PXDN: variants seen among roughly 807,000 people sequenced by gnomAD.
PXDN encodes peroxidasin.
A neutral mutation model predicts 140.3 loss-of-function variants in PXDN; 77 were observed. That is an observed-to-expected ratio of 0.55 (90% CI 0.46 to 0.66). The LOEUF is 0.66. PXDN is among the 30% of genes least tolerant of loss of function. The probability of loss-of-function intolerance (pLI) is 0.00; values close to 1 mark genes in which losing one functional copy is unlikely to be tolerated. For synonymous variants in PXDN, 911 were observed against 857.4 expected, an observed-to-expected ratio of 1.06 and a Z score of -1.09; for missense variants, 1,838 against 2,039.5, an observed-to-expected ratio of 0.90 and a Z score of 1.90.
At chr2:1,665,310 C>T (rs1683409623) in intron 10 of PXDN, among the ~76,000 whole-genome samples, 1 of 152,194 alleles carries the variant, frequency 6.6e-6, no homozygotes, top group Non-Finnish European at 1.5e-5. Flanking sequence ...CGTTCAACCA[C>T]ACCGCCAGCT....
At position 1,693,150 on chromosome 2, in the gene PXDN, A is replaced by G. The variant is rs765836045; in HGVS notation, c.201-16T>C. The G allele has an allele frequency of 2.0e-6, 3 of 1,535,698 alleles. 1 individual carries two copies. The South Asian group carries it at 3.7e-5, about 19-fold the overall frequency. ...GCGAAGATCTCTGTGAAGAAACAAG[A>G]AAGGTATTATTACGTGAAAAAAAAT... On this transcript the variant is annotated splice_polypyrimidine_tract_variant and intron_variant, in intron 1 of 22. Coordinates refer to ENST00000252804, the MANE Select transcript of PXDN (RefSeq NM_012293.3).
intron 1 of PXDN, among the ~76,000 whole-genome samples, chr2:1,712,290 T>G (rs10184108): frequency 0.15 from 22,344 of 152,280 alleles, 4,066 homozygotes; most frequent in African/African-American, 0.43. Flanking sequence ...GCAGTCATAA[T>G]ATTTAAATAT....
At chr2:1,700,961 T>G (rs893566951) in intron 1 of PXDN, among the ~76,000 whole-genome samples, 1 of 152,172 alleles carries the variant, frequency 6.6e-6, no homozygotes, top group Non-Finnish European at 1.5e-5. Flanking sequence ...TTACTGATTT[T>G]AAAGGTTGGA....
At chr2:1,670,157 A>C (rs1683540436) in intron 9 of PXDN, among the ~76,000 whole-genome samples, 1 of 152,220 alleles carries the variant, frequency 6.6e-6, no homozygotes, top group South Asian at 2.1e-4. Flanking sequence ...GGATATCAAA[A>C]GACATCTGGC....
At chr2:1,718,727 G>A (rs896521048) in intron 1 of PXDN, among the ~76,000 whole-genome samples, 4 of 152,234 alleles carry the variant, frequency 2.6e-5, no homozygotes, top group Non-Finnish European at 5.9e-5. Context: ...GTCCCTTTAC[G>A]GCTGCTGGAT....
chr2:1,665,125 T>C (rs1450354696), intron 10 of PXDN, 51 bp from the exon 11 acceptor site: 3 of 1,360,770 alleles, frequency 2.2e-6, no homozygotes, highest in African/African-American at 2.9e-5. Flanking sequence ...CAGCCTGGGG[T>C]AAAAACGCGA....
chr2:1,653,720 T>C lies in PXDN; in HGVS notation c.2012A>G (p.Glu671Gly). 6.2e-7 allele frequency: 1 copy of C among 1,603,516 alleles called. No individual in the cohort carries two copies. The highest frequency in any genetic ancestry group is 8.5e-7 in the Non-Finnish European group (1 of 1,175,082). The change falls in exon 16 of 23, where the codon GAA becomes GGA. Residue 671 changes from glutamate (E) to glycine (G), a missense_variant. Physicochemically the swap from Glu to Gly is moderately conservative, Grantham distance 98. Transcript: ENST00000252804. ...AAAGATTTCTCCCGCCCGTGCCTGT[T>C]CAACTGTGTAAGGATCCCTCGGATA... ...FRYPRDPYTVEQARAGEIFER... is the reference protein window; with the variant it reads ...FRYPRDPYTVGQARAGEIFER...
chr2:1,652,191 A>G (rs1683029896), intron 16 of PXDN, among the ~76,000 whole-genome samples: 1 of 152,188 alleles, frequency 6.6e-6, no homozygotes, highest in African/African-American at 2.4e-5. Context: ...ACATTTCCAG[A>G]TGGCTTTATT....
At chr2:1,709,889 G>T (rs559962904) in intron 1 of PXDN, among the ~76,000 whole-genome samples, 2 of 152,166 alleles carry the variant, frequency 1.3e-5, no homozygotes, top group South Asian at 4.1e-4. Context: ...AACTCTGCTG[G>T]CATCTTTGAT....
chr2:1,652,292 G>C (rs918546316), intron 16 of PXDN, among the ~76,000 whole-genome samples: 1 of 152,130 alleles, frequency 6.6e-6, no homozygotes, highest in African/African-American at 2.4e-5. Flanking sequence ...GTAGGGAGTA[G>C]CAAGAAATTA....
intron 1 of PXDN, among the ~76,000 whole-genome samples, chr2:1,697,857 C>A (rs753301381): frequency 6.6e-6 from 1 of 152,222 alleles, no homozygotes; most frequent in African/African-American, 2.4e-5. Flanking sequence ...CTTCTCCCAA[C>A]AAGCAAGGGG....
At position 1,662,317 on chromosome 2, in the gene PXDN, C is replaced by T. The variant is rs919000156; in HGVS notation, c.1568-133G>A. Reference sequence around the variant, plus strand: ...GCTCACAGTCAGTTTCAGAATGGGCCCTTTCTCTGCCTCCCAGCAGCCTCT... The same window carrying T: ...GCTCACAGTCAGTTTCAGAATGGGCTCTTTCTCTGCCTCCCAGCAGCCTCT... On this transcript the variant is annotated intron_variant, in intron 12 of 22. Transcript: ENST00000252804. 8 of 759,426 alleles carry T rather than the reference C, an allele frequency of 1.1e-5. No individual in the cohort carries two copies. The South Asian group carries it at 1.3e-4, about 12-fold the overall frequency. The allele number at this position is 759,426 out of a possible 1,614,324, so 47.0% of individuals were successfully genotyped here.
Position 1,651,845 on chromosome 2 carries a change from G to C in PXDN, c.2104+1783C>G, listed in dbSNP as rs1683021282. On this transcript the variant is annotated intron_variant, in intron 16 of 22. Transcript: ENST00000252804. This position sits in a 1 kb window ranked among gnomAD's most constrained non-coding sequence, Gnocchi z 4.4. ...GGGGCCTCTCTCTGGTTTTCCATCT[G>C]CATTTCTCTGGAAGGTCTGATCTTT... Among the ~76,000 whole-genome samples the C allele has an allele frequency of 6.6e-6, 1 of 152,210 alleles. No homozygotes were observed. The highest frequency in any genetic ancestry group is 2.4e-5 in the African/African-American group (1 of 41,456).
rs1326126678 is a variant in PXDN, at chr2:1,666,443, C to T, written c.1062G>A (p.Leu354=). Residue 354 remains leucine (L), a synonymous_variant, in exon 10 of 23, where the codon CTG becomes CTA. Coordinates refer to ENST00000252804, the MANE Select transcript of PXDN (RefSeq NM_012293.3). ...ACTCCAGCGTGACGCTCTCCCCAACCAGCACCTCTGTATTCTGTGGCTGGA... is the reference window on the plus strand; with the variant it reads ...ACTCCAGCGTGACGCTCTCCCCAACTAGCACCTCTGTATTCTGTGGCTGGA... The part of the protein sequence containing the change: ...FVIQPQNTEV[L]VGESVTLECS... The T allele has an allele frequency of 3.7e-6, 6 of 1,612,680 alleles. No individual in the cohort carries two copies. In the Admixed American group the frequency reaches 1.0e-4, roughly 27 times the overall value.
At chr2:1,684,933 C>T (rs963614381) in intron 4 of PXDN, among the ~76,000 whole-genome samples, 2 of 152,214 alleles carry the variant, frequency 1.3e-5, no homozygotes, top group Non-Finnish European at 2.9e-5. Flanking sequence ...ACTCAGGTGT[C>T]CCCTGCAACC....
intron 1 of PXDN, among the ~76,000 whole-genome samples, chr2:1,713,538 GC>G: frequency 1.3e-5 from 2 of 152,320 alleles, no homozygotes; most frequent in Middle Eastern, 3.4e-3. Flanking sequence ...TGACAGGAGA[GC>G]CCTGGGGGCC....
At chr2:1,742,035 G>A (rs1685555599) in intron 1 of PXDN, among the ~76,000 whole-genome samples, 1 of 152,078 alleles carries the variant, frequency 6.6e-6, no homozygotes. Flanking sequence ...CTGTGCCTAG[G>A]TCCGCACAGC....
At chr2:1,706,805 G>A (rs71277221) in intron 1 of PXDN, among the ~76,000 whole-genome samples, 2 of 130,320 alleles carry the variant, frequency 1.5e-5, no homozygotes, top group South Asian at 2.6e-4. Flanking sequence ...TCAGCTCTAA[G>A]CATCGCCTGC....
chr2:1,730,394 C>T (rs1039766777), intron 1 of PXDN, among the ~76,000 whole-genome samples: 3 of 152,186 alleles, frequency 2.0e-5, no homozygotes, highest in Non-Finnish European at 2.9e-5. Flanking sequence ...AAACTCCACA[C>T]CTACAAGAGG....
Sources: gnomAD v4.1 joint callset for allele counts (sites outside exome capture counted in the v4.1 genomes callset) on GRCh38, gnomAD v4.1.1 for gene constraint, Gnocchi (gnomAD v3.1) non-coding constraint, MANE v1.5 for transcripts, NCBI Gene and HGNC (gene_info 2026-07-23, HGNC 2026-07-21) for gene names.